The following HECW2 variants were observed in gnomAD, a reference collection of about 807,000 sequenced individuals.
HECW2 encodes HECT, C2 and WW domain containing E3 ubiquitin protein ligase 2.
Under a neutral mutation model 175.2 loss-of-function variants are expected in HECW2, and 61 were observed. The observed-to-expected ratio is 0.35, with a 90% CI of 0.28 to 0.43. The LOEUF (loss-of-function observed/expected upper bound fraction) is 0.43, where lower values mean the gene tolerates loss of function less well. Ranked by LOEUF, HECW2 falls within the 20% of genes least tolerant of loss-of-function variation. The pLI, the probability that HECW2 is intolerant of heterozygous loss-of-function variation, is 1.00. For missense variants in HECW2, 1,524 were observed against 2,000.5 expected, an observed-to-expected ratio of 0.76 and a Z score of 4.54; for synonymous variants, 671 against 731.0, an observed-to-expected ratio of 0.92 and a Z score of 1.32.
chr2:196,300,912 G>T (rs749872266), intron 13 of HECW2, among the ~76,000 whole-genome samples: 5 of 151,442 alleles, frequency 3.3e-5, no homozygotes, highest in Non-Finnish European at 7.4e-5. Context: ...TGTGCAGGTT[G>T]TGCAGGTTTG....
intron 2 of HECW2, among the ~76,000 whole-genome samples, chr2:196,396,295 T>C (rs577834049): frequency 3.9e-5 from 6 of 152,282 alleles, no homozygotes; most frequent in African/African-American, 1.4e-4. Flanking sequence ...ACAAAAGTAA[T>C]TGAGAACTTT....
intron 19 of HECW2, among the ~76,000 whole-genome samples, chr2:196,250,444 C>G (rs1283088883): frequency 6.6e-6 from 1 of 152,140 alleles, no homozygotes; most frequent in South Asian, 2.1e-4. Context: ...AAGCACCAAG[C>G]AAAGTGTTCT....
intron 1 of HECW2, among the ~76,000 whole-genome samples, chr2:196,476,797 G>A (rs952493579): frequency 3.3e-5 from 5 of 151,722 alleles, no homozygotes; most frequent in Non-Finnish European, 7.4e-5. Flanking sequence ...CAGAACAGTG[G>A]AATTCTGAAC....
intron 1 of HECW2, among the ~76,000 whole-genome samples, chr2:196,523,871 G>A (rs1053481736): frequency 1.1e-4 from 16 of 152,022 alleles, no homozygotes; most frequent in Non-Finnish European, 1.3e-4. Context: ...TGCTGGATTC[G>A]TTTTGCCAGT....
intron 13 of HECW2, among the ~76,000 whole-genome samples, chr2:196,303,354 T>C (rs1691138395): frequency 6.6e-6 from 1 of 152,234 alleles, no homozygotes; most frequent in South Asian, 2.1e-4. Context: ...TCAAGGATAT[T>C]GGCCTGAAGT....
chr2:196,491,379 C>T (rs888361923), intron 1 of HECW2, among the ~76,000 whole-genome samples: 177 of 149,062 alleles, frequency 1.2e-3, no homozygotes, highest in Middle Eastern at 7.0e-3. Flanking sequence ...TACACACACA[C>T]ACACACACAC....
At chr2:196,443,650 T>C (rs999170911) in intron 1 of HECW2, among the ~76,000 whole-genome samples, 1 of 152,218 alleles carries the variant, frequency 6.6e-6, no homozygotes, top group African/African-American at 2.4e-5. Context: ...GAAGTCATAG[T>C]CTATTCAAGT....
At chr2:196,320,317 T>C (rs1691893402) in intron 8 of HECW2, 22 bp downstream of exon 8, 3 of 1,382,156 alleles carry the variant, frequency 2.2e-6, no homozygotes, top group Non-Finnish European at 3.1e-6. Flanking sequence ...AATGTATTCA[T>C]ACAGATATAT....
intron 2 of HECW2, among the ~76,000 whole-genome samples, chr2:196,367,280 G>A (rs996391634): frequency 3.3e-5 from 5 of 152,186 alleles, no homozygotes; most frequent in Admixed American, 2.0e-4. Flanking sequence ...AGACTCCATA[G>A]AGCAAATTAC....
chr2:196,543,963 C>G (rs1013040828), intron 1 of HECW2, among the ~76,000 whole-genome samples: 9 of 152,164 alleles, frequency 5.9e-5, no homozygotes, highest in Non-Finnish European at 1.2e-4. Flanking sequence ...ATCTAGAAAG[C>G]CTTAGGCAGC....
chr2:196,305,155 T>G (rs1419428694), intron 13 of HECW2, among the ~76,000 whole-genome samples: 1 of 152,208 alleles, frequency 6.6e-6, no homozygotes, highest in Non-Finnish European at 1.5e-5. Context: ...TGCTCTCAAG[T>G]CTGGGATGCC....
At chr2:196,411,213 C>A (rs1362279764) in intron 2 of HECW2, among the ~76,000 whole-genome samples, 1 of 152,114 alleles carries the variant, frequency 6.6e-6, no homozygotes, top group African/African-American at 2.4e-5. Context: ...CTATTTTGCA[C>A]AGGCTGGTTT....
At chr2:196,320,500 TC>T in intron 7 of HECW2, 61 bp from the exon 8 acceptor site, 1 of 1,047,366 alleles carries the variant, frequency 9.5e-7, no homozygotes, top group Non-Finnish European at 1.5e-6. Flanking sequence ...TCGCCGTCTT[TC>T]CACAGGCCAC....
Position 196,501,277 on chromosome 2 carries a change from A to G in HECW2, c.-35-67819T>C, listed in dbSNP as rs1483658872. 3.3e-5 allele frequency among the ~76,000 whole-genome samples: 5 copies of G among 152,144 alleles called. 1 individual carries two copies. Among genetic ancestry groups the G allele is most frequent in the Non-Finnish European group, 7.3e-5 (5 of 68,032 alleles). On this transcript the variant is annotated intron_variant, in intron 1 of 28. Transcript: ENST00000644978. ...TGGAAGGGATGCCACAATTACAGAA[A>G]TTGACAAAAAGAATTTTATTTTTTG...
intron 21 of HECW2, among the ~76,000 whole-genome samples, chr2:196,228,629 C>T (rs1687938163): frequency 6.6e-6 from 1 of 152,156 alleles, no homozygotes; most frequent in African/African-American, 2.4e-5. Flanking sequence ...AACGAGAAAG[C>T]TTTATTTAAA....
At chr2:196,392,099 A>G (rs924612804) in intron 2 of HECW2, among the ~76,000 whole-genome samples, 3 of 152,234 alleles carry the variant, frequency 2.0e-5, no homozygotes, top group African/African-American at 7.2e-5. Flanking sequence ...TGGGGACACT[A>G]TTCAAAGCAC....
At chr2:196,470,498 T>C (rs1008231585) in intron 1 of HECW2, among the ~76,000 whole-genome samples, 1 of 152,222 alleles carries the variant, frequency 6.6e-6, no homozygotes, top group Non-Finnish European at 1.5e-5. Flanking sequence ...CTTCGTCTCT[T>C]GCTTTCATAT....
chr2:196,558,242 A>C (rs1049471158), intron 1 of HECW2, among the ~76,000 whole-genome samples: 1 of 152,248 alleles, frequency 6.6e-6, no homozygotes, highest in African/African-American at 2.4e-5. Flanking sequence ...CAGAGCTTTC[A>C]AACTCAGATG....
chr2:196,526,674 G>A (rs1688661940), intron 1 of HECW2, among the ~76,000 whole-genome samples: 1 of 145,114 alleles, frequency 6.9e-6, no homozygotes, highest in Non-Finnish European at 1.5e-5. Context: ...TGTCCTTTCT[G>A]TTTGTTAGTT....
Sources: gnomAD v4.1 joint callset for allele counts (sites outside exome capture counted in the v4.1 genomes callset) on GRCh38, gnomAD v4.1.1 for gene constraint, MANE v1.5 for transcripts, NCBI Gene and HGNC (gene_info 2026-07-23, HGNC 2026-07-21) for gene names.